ZNF791: variants seen among roughly 807,000 people sequenced by gnomAD.
ZNF791 encodes zinc finger protein 791.
In ZNF791, 4 loss-of-function variants were observed where a neutral mutation model predicts 11.5. That is an observed-to-expected ratio of 0.35 (90% CI 0.17 to 0.80). The LOEUF (loss-of-function observed/expected upper bound fraction) is 0.80. ZNF791 is among the 30% of genes least tolerant of loss of function. The probability of loss-of-function intolerance (pLI) is 0.53; values close to 1 mark genes in which losing one functional copy is unlikely to be tolerated. For synonymous variants in ZNF791, 212 were observed against 228.1 expected (o/e 0.93, Z 0.64); for missense variants, 559 against 699.4 (o/e 0.80, Z 2.26).
In ZNF791 at chr19:12,623,874, G is replaced by GGGT. The variant is rs745893802; in HGVS notation, c.130+50_130+51insTGG. The GGGT allele has an allele frequency of 9.4e-5, 89 of 948,378 alleles. 9 individuals are homozygous for GGGT. Among genetic ancestry groups the GGGT allele is most frequent in the Middle Eastern group, 3.7e-4 (1 of 2,688 alleles). The allele number at this position is 948,378 out of a possible 1,614,324, so 58.7% of individuals were successfully genotyped here. A position where few individuals can be genotyped will look rare whatever the true frequency, so the allele number is the denominator to read the frequency against. On this transcript the variant is annotated intron_variant, in intron 2 of 3. Coordinates refer to ENST00000343325, the MANE Select transcript of ZNF791 (RefSeq NM_153358.3). ...TTTTTTCTTTTTTTTTTTTTTTGGG[G>GGGT]GGGGACAGAGTTTCACTATTGTCCA...
rs1427114172 is a variant in ZNF791 at position 12,632,310 on chromosome 19, T to G, written c.*3050T>G. 1 of 152,048 alleles carries G rather than the reference T, an allele frequency of 6.6e-6. No homozygotes were observed. Among genetic ancestry groups the G allele is most frequent in the Non-Finnish European group, 1.5e-5 (1 of 68,014 alleles). The allele number at this position is 152,048 out of a possible 1,614,324, so 9.4% of individuals were successfully genotyped here. A position where few individuals can be genotyped will look rare whatever the true frequency, so the allele number is the denominator to read the frequency against. On this transcript the variant is annotated 3_prime_UTR_variant, in exon 4 of 4. Coordinates refer to ENST00000343325, the MANE Select transcript of ZNF791 (RefSeq NM_153358.3). Reference sequence around the variant, plus strand: ...TTAAAGACCAGTGTTAGTAGAAGTGTATTTTTAATATACAATTAGTTTTAA... The same window carrying G: ...TTAAAGACCAGTGTTAGTAGAAGTGGATTTTTAATATACAATTAGTTTTAA...
chr19:12,615,983 C>T (rs2023240813), intron 1 of ZNF791, among the ~76,000 whole-genome samples: 1 of 151,980 alleles, frequency 6.6e-6, no homozygotes, highest in South Asian at 2.1e-4. Context: ...GGTAAGAGGA[C>T]GTTTTGTTTT....
chr19:12,630,783 T>C lies in ZNF791; in HGVS notation c.*1523T>C, dbSNP rs1360455625. 6.6e-6 allele frequency: 1 copy of C among 152,112 alleles called. No homozygotes were observed. Among genetic ancestry groups the C allele is most frequent in the Non-Finnish European group, 1.5e-5 (1 of 68,016 alleles). The allele number at this position is 152,112 out of a possible 1,614,324, so 9.4% of individuals were successfully genotyped here. A position where few individuals can be genotyped will look rare whatever the true frequency, so the allele number is the denominator to read the frequency against. On this transcript the variant is annotated 3_prime_UTR_variant, in exon 4 of 4. Coordinates refer to ENST00000343325, the MANE Select transcript of ZNF791 (RefSeq NM_153358.3). ...TAGTTAGTCTTTAACAAAAATAGTT[T>C]AAAAAAATTTAATAGAAAAAGCTTA...
In ZNF791 at chr19:12,618,957, C is replaced by T. The variant is rs2023290105; in HGVS notation, c.4-4743C>T. On this transcript the variant is annotated intron_variant, in intron 1 of 3. Coordinates refer to ENST00000343325, the MANE Select transcript of ZNF791 (RefSeq NM_153358.3). ...CCGCCTCCTGGGTTCAAGCGATTCT[C>T]CTGCTTCAGCCTCCCGAGTAGCTGG... Among the ~76,000 whole-genome samples the T allele has an allele frequency of 2.0e-5, 3 of 151,440 alleles. No individual in the cohort carries two copies. The South Asian group carries it at 6.3e-4, about 32-fold the overall frequency.
At position 12,623,748 on chromosome 19, in the gene ZNF791, T is replaced by C; in HGVS notation, c.52T>C (p.Trp18Arg). 1 of 1,613,434 alleles carries C rather than the reference T, an allele frequency of 6.2e-7. No individual in the cohort carries two copies. Among genetic ancestry groups the C allele is most frequent in the Non-Finnish European group, 8.5e-7 (1 of 1,179,820 alleles). Residue 18 changes from tryptophan to arginine, a missense_variant, in exon 2 of 4, where the codon TGG becomes CGG. Trp to Arg is a moderately radical substitution (Grantham distance 101). Transcript: ENST00000343325. ...GTCTGTGAGCTTCAGCCAGGAGGAG[T>C]GGGCTCTGCTGGCTCCTTCACAGAA... is the stretch of plus-strand genomic sequence containing the variant. ...DVSVSFSQEE[W>R]ALLAPSQKKL...
rs1382345224 is a variant in ZNF791, at chr19:12,623,724, T to C, written c.28T>C (p.Ser10Pro). The change falls in exon 2 of 4, where the codon TCT becomes CCT. Residue 10 changes from serine to proline, a missense_variant. Ser to Pro is a moderately conservative substitution (Grantham distance 74). Transcript: ENST00000343325. MDSVAFEDVSVSFSQEEWAL... is the reference protein window; with the variant it reads MDSVAFEDVPVSFSQEEWAL... ...GGACTCAGTGGCTTTTGAGGATGTG[T>C]CTGTGAGCTTCAGCCAGGAGGAGTG... 1 of 1,614,182 alleles carries C rather than the reference T, an allele frequency of 6.2e-7. No homozygotes were observed. The highest frequency in any genetic ancestry group is 1.1e-5 in the South Asian group (1 of 91,080).
Position 12,630,732 on chromosome 19 carries a change from T to G in ZNF791, c.*1472T>G, listed in dbSNP as rs1360880987. On this transcript the variant is annotated 3_prime_UTR_variant, in exon 4 of 4. Coordinates refer to ENST00000343325, the MANE Select transcript of ZNF791 (RefSeq NM_153358.3). ...TATTGATGATCCTCACCCCGTGTAG[T>G]CCTACACTAATGTGTGTTTGTGTCT... The G allele has an allele frequency of 6.6e-6, 1 of 152,130 alleles. No homozygotes were observed. Among genetic ancestry groups the G allele is most frequent in the African/African-American group, 2.4e-5 (1 of 41,426 alleles). 9.4% of individuals were successfully genotyped at this position (152,130 alleles called of 1,614,324 possible). A position where few individuals can be genotyped will look rare whatever the true frequency, so the allele number is the denominator to read the frequency against.
intron 1 of ZNF791, among the ~76,000 whole-genome samples, chr19:12,614,514 G>T (rs1385692374): frequency 6.6e-6 from 1 of 152,120 alleles, no homozygotes; most frequent in Non-Finnish European, 1.5e-5. Flanking sequence ...TGAGATTACA[G>T]GTGTGAGCCA....
chr19:12,616,828 TAGG>T (rs1227508766), intron 1 of ZNF791, among the ~76,000 whole-genome samples: 1 of 152,232 alleles, frequency 6.6e-6, no homozygotes, highest in Non-Finnish European at 1.5e-5. Flanking sequence ...TTTCACAGAG[TAGG>T]AGTTTTTCAT....
chr19:12,620,932 T>A (rs921160100), intron 1 of ZNF791, among the ~76,000 whole-genome samples: 7 of 151,846 alleles, frequency 4.6e-5, no homozygotes, highest in African/African-American at 1.7e-4. Flanking sequence ...AACTAATTTT[T>A]GTATTTTTAG....
chr19:12,628,930 C>G lies in ZNF791; in HGVS notation c.1401C>G (p.Pro467=), dbSNP rs533855260. The stretch of plus-strand genomic sequence containing the variant: ...AAAGAACTCACACTGGAGAGAAACC[C>G]TATGAATGTAAACAATGTGGAAAAG... ...THERTHTGEK[P]YECKQCGKAF... Residue 467 remains proline, a synonymous_variant, in exon 4 of 4, where the codon CCC becomes CCG. Transcript: ENST00000343325. The G allele has an allele frequency of 3.4e-4, 545 of 1,613,704 alleles. 9 individuals carry two copies. In the South Asian group the frequency reaches 5.9e-3, roughly 17 times the overall value.
chr19:12,621,299 G>A (rs967800897), intron 1 of ZNF791, among the ~76,000 whole-genome samples: 1 of 152,104 alleles, frequency 6.6e-6, no homozygotes, highest in Non-Finnish European at 1.5e-5. Context: ...GCAGTTCTGA[G>A]GCTCATGGGT....
At chr19:12,622,426 A>AAG (rs1555703357) in intron 1 of ZNF791, among the ~76,000 whole-genome samples, 1 of 146,764 alleles carries the variant, frequency 6.8e-6, no homozygotes, top group Admixed American at 6.7e-5. Context: ...AAAAAAAAAA[A>AAG]AAAAAACCTC....
At position 12,628,461 on chromosome 19, in the gene ZNF791, G is replaced by T. The variant is rs1403426363; in HGVS notation, c.932G>T (p.Cys311Phe). Reference protein sequence around the residue: ...KCKQCGKAFRCSTSIQIHERI... With the variant: ...KCKQCGKAFRFSTSIQIHERI... Reference sequence around the variant, plus strand: ...AAACAATGTGGTAAAGCCTTCAGATGTTCCACCTCCATTCAAATTCATGAA... The same window carrying T: ...AAACAATGTGGTAAAGCCTTCAGATTTTCCACCTCCATTCAAATTCATGAA... Residue 311 changes from cysteine (C) to phenylalanine (F), a missense_variant, in exon 4 of 4, where the codon TGT becomes TTT. Cys to Phe is a radical substitution (Grantham distance 205). Transcript: ENST00000343325. The T allele has an allele frequency of 6.2e-7, 1 of 1,611,900 alleles. No homozygotes were observed. The highest frequency in any genetic ancestry group is 8.5e-7 in the Non-Finnish European group (1 of 1,178,996).
rs1256591111 is a variant in ZNF791, at chr19:12,627,420, A to G, written c.192-301A>G. Among the ~76,000 whole-genome samples, 5 of 152,136 alleles carry G rather than the reference A, an allele frequency of 3.3e-5. No homozygotes were observed. The South Asian group carries it at 1.0e-3, about 31-fold the overall frequency. ...GGCGGGCAGATCACTTGAGGTCAGG[A>G]GTTCAAGACCAGCCTGACCAGCATG... On this transcript the variant is annotated intron_variant, in intron 3 of 3. Transcript: ENST00000343325.
chr19:12,611,311 C>T (rs1423848806), intron 1 of ZNF791, among the ~76,000 whole-genome samples: 1 of 152,202 alleles, frequency 6.6e-6, no homozygotes, highest in African/African-American at 2.4e-5. Context: ...CGGGAGGGTC[C>T]TGGGGAGAAT....
At chr19:12,612,335 G>A (rs901493671) in intron 1 of ZNF791, 4 of 154,576 alleles carry the variant, frequency 2.6e-5, no homozygotes, top group Admixed American at 6.6e-5. Flanking sequence ...TACTATTACC[G>A]GCCCAACATT....
At chr19:12,623,878 G>GC in intron 2 of ZNF791, 52 bp downstream of exon 2, 5 of 917,940 alleles carry the variant, frequency 5.4e-6, no homozygotes, top group African/African-American at 1.6e-5. Context: ...TTTGGGGGGG[G>GC]ACAGAGTTTC....
rs544678307 is a variant in ZNF791 at position 12,630,653 on chromosome 19, G to A, written c.*1393G>A. ...TAGGCGATGACGGCTCCATGTGCAG[G>A]ACTGCCCCTGAACGTATTCTGGCGG... On this transcript the variant is annotated 3_prime_UTR_variant, in exon 4 of 4. Transcript: ENST00000343325. 6 of 152,226 alleles carry A rather than the reference G, an allele frequency of 3.9e-5. No homozygotes were observed. In the East Asian group the frequency reaches 9.7e-4, roughly 25 times the overall value. 9.4% of individuals were successfully genotyped at this position (152,226 alleles called of 1,614,324 possible).
Sources: gnomAD v4.1 joint callset for allele counts (sites outside exome capture counted in the v4.1 genomes callset) on GRCh38, gnomAD v4.1.1 for gene constraint, MANE v1.5 for transcripts, NCBI Gene and HGNC (gene_info 2026-07-23, HGNC 2026-07-21) for gene names.